Variants in LCP1 observed in about 807,000 individuals in gnomAD.
LCP1 encodes the protein plastin-2.
Under a neutral mutation model 72.0 loss-of-function variants are expected in LCP1, and 23 were observed. The observed-to-expected ratio is 0.32, with a 90% CI of 0.23 to 0.45. The LOEUF (loss-of-function observed/expected upper bound fraction) is 0.45, where lower values mean the gene tolerates loss of function less well. Among genes scored for constraint, LCP1 ranks in the 20% least tolerant of loss-of-function variants. The pLI is 1.00. For missense variants in LCP1, 571 were observed against 748.3 expected (o/e 0.76, Z 2.76); for synonymous variants, 245 against 275.4 (o/e 0.89, Z 1.09).
chr13:46,143,427 G>T (rs771031160), intron 11 of LCP1, 23 bp from the exon 12 acceptor site: 10 of 1,493,836 alleles, frequency 6.7e-6, no homozygotes, highest in African/African-American at 5.5e-5. Flanking sequence ...AACACAAAAG[G>T]ATTCTCAGAT....
chr13:46,162,668 C>T (rs2045848441), intron 1 of LCP1, among the ~76,000 whole-genome samples: 1 of 152,282 alleles, frequency 6.6e-6, no homozygotes, highest in Non-Finnish European at 1.5e-5. Context: ...ACCTCCCAGC[C>T]GCCTGCCTTG....
At chr13:46,150,071 G>C (rs965180574) in intron 8 of LCP1, among the ~76,000 whole-genome samples, 1 of 152,236 alleles carries the variant, frequency 6.6e-6, no homozygotes, top group African/African-American at 2.4e-5. Context: ...TCATATAGCA[G>C]TGGGAAACTG....
At chr13:46,128,593 G>A (rs551511798) in intron 15 of LCP1, among the ~76,000 whole-genome samples, 46 of 150,930 alleles carry the variant, frequency 3.0e-4, no homozygotes, top group Admixed American at 4.6e-4. Flanking sequence ...GTGAGACTCC[G>A]TCTCAGAAAA....
chr13:46,129,971 G>A (rs1000367003), intron 15 of LCP1, among the ~76,000 whole-genome samples: 28 of 152,178 alleles, frequency 1.8e-4, no homozygotes, highest in Non-Finnish European at 1.0e-4. Context: ...TCACAGACAC[G>A]CAAGAAGAAT....
rs529227239 is a variant in LCP1 at position 46,158,712 on chromosome 13, A to G, written c.229-61T>C. 5 of 1,608,806 alleles carry G rather than the reference A, an allele frequency of 3.1e-6. No homozygotes were observed. In the East Asian group the frequency reaches 8.9e-5, roughly 29 times the overall value. ...AGTGATCAAGAAAATCACAAAGGAA[A>G]GAATATGTAATGTCGAAGCAAGGAG... is the stretch of plus-strand genomic sequence containing the variant. On this transcript the variant is annotated intron_variant, in intron 3 of 15. Transcript: ENST00000323076.
rs2045913650 is a variant in LCP1, at chr13:46,173,454, G to T, written c.-25+8657C>A. Among the ~76,000 whole-genome samples the T allele has an allele frequency of 2.6e-5, 4 of 152,288 alleles. No individual in the cohort carries two copies. The South Asian group carries it at 8.3e-4, about 32-fold the overall frequency. ...AGGAAGGAAAGAAAGAAGGAAAAGG[G>T]AAGGAACAGAGGAAGTTAAAAGAAA... On this transcript the variant is annotated intron_variant, in intron 1 of 15. Transcript: ENST00000323076.
At chr13:46,130,026 C>T (rs1288551419) in intron 15 of LCP1, among the ~76,000 whole-genome samples, 3 of 152,184 alleles carry the variant, frequency 2.0e-5, no homozygotes, top group African/African-American at 4.8e-5. Flanking sequence ...GCAGATTCTC[C>T]CTCAGAAGAA....
chr13:46,151,439 C>T (rs762271997), intron 7 of LCP1, among the ~76,000 whole-genome samples: 2 of 152,152 alleles, frequency 1.3e-5, no homozygotes, highest in Non-Finnish European at 2.9e-5. Flanking sequence ...AACATTTTTG[C>T]TTTTAAGAGA....
intron 1 of LCP1, among the ~76,000 whole-genome samples, chr13:46,162,534 G>A (rs2045846670): frequency 6.6e-6 from 1 of 152,046 alleles, no homozygotes; most frequent in African/African-American, 2.4e-5. Context: ...GCTCCTAACC[G>A]TGAGTGATCT....
chr13:46,146,262 C>G (rs1376168839), intron 10 of LCP1, among the ~76,000 whole-genome samples: 1 of 152,148 alleles, frequency 6.6e-6, no homozygotes, highest in Non-Finnish European at 1.5e-5. Context: ...ATCTGAATCT[C>G]CTTGCTTGGG....
In LCP1 at chr13:46,127,382, C is replaced by T; in HGVS notation, c.*209G>A. The T allele has an allele frequency of 2.1e-6, 1 of 477,390 alleles. No homozygotes were observed. Among genetic ancestry groups the T allele is most frequent in the Non-Finnish European group, 3.7e-6 (1 of 271,940 alleles). 29.6% of individuals were successfully genotyped at this position (477,390 alleles called of 1,614,324 possible). On this transcript the variant is annotated 3_prime_UTR_variant, in exon 16 of 16. Coordinates refer to ENST00000323076, the MANE Select transcript of LCP1 (RefSeq NM_002298.5). ...GAAGCAAATAAATCAAGAATAGAAA[C>T]CTATATATAGGAGGTTGGGCCTCCT...
At chr13:46,155,011 T>C in intron 5 of LCP1, 125 bp from the exon 6 acceptor site, 1 of 736,902 alleles carries the variant, frequency 1.4e-6, no homozygotes, top group Non-Finnish European at 2.3e-6. Flanking sequence ...GATGTTTAGA[T>C]ATAAAATCAG....
intron 13 of LCP1, among the ~76,000 whole-genome samples, chr13:46,138,052 T>C (rs528976723): frequency 8.5e-5 from 13 of 152,376 alleles, no homozygotes; most frequent in African/African-American, 3.1e-4. Flanking sequence ...GATTCTTTGT[T>C]CATTTGCTTC....
At chr13:46,142,185 C>T (rs2045702517) in intron 13 of LCP1, 107 bp downstream of exon 13, 2 of 1,169,148 alleles carry the variant, frequency 1.7e-6, no homozygotes, top group South Asian at 1.6e-5. Context: ...TGAAGCTTAG[C>T]TTAAAACATA....
At chr13:46,147,156 G>A in intron 9 of LCP1, 53 bp from the exon 10 acceptor site, 1 of 1,416,276 alleles carries the variant, frequency 7.1e-7, no homozygotes, top group Admixed American at 2.5e-5. Flanking sequence ...CATGCACAAA[G>A]CAGATTGCAT....
chr13:46,155,916 G>A (rs966844921), intron 5 of LCP1, among the ~76,000 whole-genome samples: 6 of 152,122 alleles, frequency 3.9e-5, no homozygotes, highest in Non-Finnish European at 7.3e-5. Context: ...GGTGAGCCAC[G>A]CTCAGATGAA....
chr13:46,128,763 T>C (rs1031633454), intron 15 of LCP1, among the ~76,000 whole-genome samples: 6 of 152,210 alleles, frequency 3.9e-5, no homozygotes, highest in African/African-American at 1.2e-4. Flanking sequence ...CATCAGAACA[T>C]TTTTGCTCTA....
At chr13:46,129,941 G>A (rs534582352) in intron 15 of LCP1, among the ~76,000 whole-genome samples, 15 of 152,276 alleles carry the variant, frequency 9.9e-5, no homozygotes, top group African/African-American at 2.9e-4. Context: ...AACACAAAGC[G>A]GGAAGACAGC....
intron 8 of LCP1, among the ~76,000 whole-genome samples, chr13:46,149,135 A>G (rs1159456587): frequency 6.6e-6 from 1 of 152,248 alleles, no homozygotes; most frequent in African/African-American, 2.4e-5. Flanking sequence ...ATTCTTAGTC[A>G]ATGAAAGCAT....
Sources: gnomAD v4.1 joint callset for allele counts (sites outside exome capture counted in the v4.1 genomes callset) on GRCh38, gnomAD v4.1.1 for gene constraint, MANE v1.5 for transcripts, NCBI Gene and HGNC (gene_info 2026-07-23, HGNC 2026-07-21) for gene names.